The following PSD2 variants were observed in gnomAD, a reference collection of about 807,000 sequenced individuals.
PSD2 encodes the protein PH and SEC7 domain-containing protein 2.
In PSD2, 38 loss-of-function variants were observed where a neutral mutation model predicts 69.8. The observed-to-expected ratio is 0.54, with a 90% CI of 0.42 to 0.71. The LOEUF is 0.71. Among genes scored for constraint, PSD2 ranks in the 30% least tolerant of loss-of-function variants. PSD2 has a pLI of 0.00. For synonymous variants in PSD2, 412 were observed against 423.0 expected (o/e 0.97, Z 0.32); for missense variants, 943 against 1,014.5 (o/e 0.93, Z 0.96).
the PSD2 span, among the ~76,000 whole-genome samples, chr5:139,786,190 G>T: frequency 6.6e-6 from 1 of 152,134 alleles, no homozygotes; most frequent in Non-Finnish European, 1.5e-5. Flanking sequence ...TTTGAGATCG[G>T]CCTGAGCAAC....
chr5:139,822,971 C>T (rs530713364), intron 7 of PSD2, among the ~76,000 whole-genome samples, 187 bp downstream of exon 7: 32 of 152,234 alleles, frequency 2.1e-4, no homozygotes, highest in African/African-American at 7.2e-4. Context: ...CACCTGAGTC[C>T]CCACCCCCAA....
chr5:139,838,581 G>C, intron 12 of PSD2, 47 bp from the exon 13 acceptor site: 1 of 1,594,010 alleles, frequency 6.3e-7, no homozygotes, highest in Non-Finnish European at 8.6e-7. Context: ...TAGGGGACAG[G>C]GAGTCCTGTG....
intron 1 of PSD2, among the ~76,000 whole-genome samples, chr5:139,801,192 G>A (rs540549524): frequency 1.6e-4 from 23 of 143,938 alleles, no homozygotes; most frequent in African/African-American, 4.3e-4. Context: ...ATGACAGAGA[G>A]AGACTCCATC....
In PSD2 at chr5:139,813,343, G is replaced by A; in HGVS notation, c.406G>A (p.Gly136Ser). 2 of 1,573,342 alleles carry A rather than the reference G, an allele frequency of 1.3e-6. No individual in the cohort carries two copies. Among genetic ancestry groups the A allele is most frequent in the Middle Eastern group, 3.4e-4 (2 of 5,912 alleles). ...DGPGEPDVRD[G>S]FSATFEKILE... is the part of the protein sequence containing the mutation. ...TCCCGGGGAGCCAGATGTGCGGGAT[G>A]GCTTCAGCGCCACGTTTGAGAAGAT... The change falls in exon 3 of 15, where the codon GGC becomes AGC. Residue 136 changes from glycine to serine, a missense_variant. Gly to Ser is a moderately conservative substitution (Grantham distance 56, BLOSUM62 0). This residue lies in a region of PSD2 where 466 missense variants were observed against 445.0 expected (regional missense o/e 1.05). Transcript: ENST00000274710.
the PSD2 span, among the ~76,000 whole-genome samples, chr5:139,781,934 TCATCA>T: frequency 6.6e-6 from 1 of 152,126 alleles, no homozygotes; most frequent in Non-Finnish European, 1.5e-5. Flanking sequence ...GTGCCTGGCC[TCATCA>T]CATATCTCTC....
chr5:139,837,329 A>G lies in PSD2; in HGVS notation c.1665+91A>G. The G allele has an allele frequency of 7.9e-7, 1 of 1,264,788 alleles. No individual in the cohort carries two copies. The highest frequency in any genetic ancestry group is 2.3e-5 in the East Asian group (1 of 42,744). 78.3% of individuals were successfully genotyped at this position (1,264,788 alleles called of 1,614,324 possible). A position where few individuals can be genotyped will look rare whatever the true frequency, so the allele number is the denominator to read the frequency against. On this transcript the variant is annotated intron_variant, in intron 11 of 14. Coordinates refer to ENST00000274710, the MANE Select transcript of PSD2 (RefSeq NM_032289.4). The surrounding 1 kb of genome is among the most constrained non-coding windows in gnomAD (Gnocchi z 5.0). ...GTGGCACCCCGAAGCCCCAGGCAGGACCTGGGGCTCAGGCACATGCTGGGT... is the reference window on the plus strand; with the variant it reads ...GTGGCACCCCGAAGCCCCAGGCAGGGCCTGGGGCTCAGGCACATGCTGGGT...
chr5:139,761,724 G>A, the PSD2 span, among the ~76,000 whole-genome samples: 8 of 152,150 alleles, frequency 5.3e-5, no homozygotes, highest in Non-Finnish European at 1.2e-4. Context: ...ATAGCCCACC[G>A]GCCTCCATCT....
rs2126970246 is a variant in PSD2 at position 139,839,061 on chromosome 5, G to A, written c.1968+289G>A. Among the ~76,000 whole-genome samples the A allele has an allele frequency of 6.6e-6, 1 of 152,330 alleles. No individual in the cohort carries two copies. The highest frequency in any genetic ancestry group is 1.9e-4 in the East Asian group (1 of 5,184). The stretch of plus-strand genomic sequence containing the variant: ...GAGTTGGTGGCCTTGTGTGCACCTG[G>A]GCACAAATGCAAGAGACCGTGTGTC... On this transcript the variant is annotated intron_variant, in intron 13 of 14. Transcript: ENST00000274710. The surrounding 1 kb of genome is among the most constrained non-coding windows in gnomAD (Gnocchi z 5.1).
At chr5:139,835,574 C>T (rs556709392) in intron 8 of PSD2, 149 bp from the exon 9 acceptor site, 1 of 763,752 alleles carries the variant, frequency 1.3e-6, no homozygotes, top group African/African-American at 1.7e-5. Context: ...CACTCACTTA[C>T]CCATCCAGCA....
chr5:139,806,726 G>T (rs965460868), intron 1 of PSD2, among the ~76,000 whole-genome samples: 1 of 152,218 alleles, frequency 6.6e-6, no homozygotes, highest in Admixed American at 6.5e-5. Flanking sequence ...TTCAGAGTGA[G>T]CATGTGGGGC....
At chr5:139,801,864 G>A (rs896281891) in intron 1 of PSD2, among the ~76,000 whole-genome samples, 17 of 152,114 alleles carry the variant, frequency 1.1e-4, no homozygotes, top group South Asian at 2.1e-4. Flanking sequence ...AAATGTTGGC[G>A]TCACTCTTGG....
intron 4 of PSD2, among the ~76,000 whole-genome samples, chr5:139,815,398 A>T (rs1760094045): frequency 6.6e-6 from 1 of 152,032 alleles, no homozygotes; most frequent in Non-Finnish European, 1.5e-5. Context: ...CCAGCAGCTA[A>T]TTGTCCTCAA....
intron 1 of PSD2, 129 bp from the exon 2 acceptor site, chr5:139,809,262 C>G: frequency 1.4e-6 from 1 of 710,780 alleles, no homozygotes; most frequent in Non-Finnish European, 2.3e-6. Flanking sequence ...CTGGAAGGGC[C>G]CCGAGGAGGT....
chr5:139,843,748 A>G lies in PSD2; in HGVS notation c.*1274A>G, dbSNP rs1357263416. On this transcript the variant is annotated 3_prime_UTR_variant, in exon 15 of 15. Transcript: ENST00000274710. ...GAAGAGTGGAGAAATTTGCCACTTGACGATCACGGATTAGCTAGCACCTTT... is the reference window on the plus strand; with the variant it reads ...GAAGAGTGGAGAAATTTGCCACTTGGCGATCACGGATTAGCTAGCACCTTT... 1.8e-4 allele frequency: 27 copies of G among 152,244 alleles called. No homozygotes were observed. The highest frequency in any genetic ancestry group is 1.8e-3 in the Admixed American group (27 of 15,284). The allele number at this position is 152,244 out of a possible 1,614,324, so 9.4% of individuals were successfully genotyped here.
chr5:139,824,593 C>T (rs1230864262), intron 7 of PSD2, among the ~76,000 whole-genome samples: 1 of 152,038 alleles, frequency 6.6e-6, no homozygotes, highest in South Asian at 2.1e-4. Context: ...AGATGTCTCT[C>T]TCTTTACGTG....
At chr5:139,746,857 C>T in the PSD2 span, among the ~76,000 whole-genome samples, 1 of 152,328 alleles carries the variant, frequency 6.6e-6, no homozygotes, top group East Asian at 1.9e-4. The surrounding 1 kb of genome is among the most constrained non-coding windows in gnomAD (Gnocchi z 4.5). Flanking sequence ...CGCTCCCTCG[C>T]TCTGGCTCCC....
rs1760050776 is a variant in PSD2, at chr5:139,814,069, C to G, written c.822-101C>G. 3 of 1,126,696 alleles carry G rather than the reference C, an allele frequency of 2.7e-6. No homozygotes were observed. The highest frequency in any genetic ancestry group is 2.2e-5 in the Admixed American group (1 of 44,600). The allele number at this position is 1,126,696 out of a possible 1,614,324, so 69.8% of individuals were successfully genotyped here. ...TGGAGCTTCTTTCCCTGTTCTGGCC[C>G]CTACATGGTTTGCAGTGGCCTGGGG... On this transcript the variant is annotated intron_variant, in intron 3 of 14. Transcript: ENST00000274710. The surrounding 1 kb of genome is among the most constrained non-coding windows in gnomAD (Gnocchi z 4.4).
the PSD2 span, among the ~76,000 whole-genome samples, chr5:139,789,526 C>G: frequency 6.6e-6 from 1 of 152,124 alleles, no homozygotes; most frequent in Non-Finnish European, 1.5e-5. Context: ...TGTAGTGAGC[C>G]GAGATCATGC....
chr5:139,842,578 G>C lies in PSD2; in HGVS notation c.*104G>C. On this transcript the variant is annotated 3_prime_UTR_variant, in exon 15 of 15. Transcript: ENST00000274710. ...TTGGACCAAGCTCCAGTCAGTTGAT[G>C]GGCAGCTAGAGGGGTGCAGAAAGCC... 1 of 1,044,222 alleles carries C rather than the reference G, an allele frequency of 9.6e-7. No individual in the cohort carries two copies. Among genetic ancestry groups the C allele is most frequent in the Non-Finnish European group, 1.4e-6 (1 of 694,874 alleles). The allele number at this position is 1,044,222 out of a possible 1,614,324, so 64.7% of individuals were successfully genotyped here. A position where few individuals can be genotyped will look rare whatever the true frequency, so the allele number is the denominator to read the frequency against.
Sources: allele counts gnomAD v4.1 joint callset (sites outside exome capture counted in the v4.1 genomes callset), GRCh38; gene constraint gnomAD v4.1.1; regional missense constraint gnomAD v4.1.1; non-coding constraint Gnocchi (gnomAD v3.1); transcripts MANE v1.5; gene names NCBI Gene and HGNC (gene_info 2026-07-23, HGNC 2026-07-21).